The following SLC22A15 variants were observed in gnomAD, a reference collection of about 807,000 sequenced individuals.
SLC22A15 encodes flipt 1.
SLC22A15 carries 45 observed loss-of-function variants against 62.7 expected under a neutral mutation model. That is an observed-to-expected ratio of 0.72 (90% CI 0.56 to 0.92). The LOEUF (loss-of-function observed/expected upper bound fraction) is 0.92, where lower values mean the gene tolerates loss of function less well. Ranked by LOEUF, SLC22A15 falls within the 40% of genes least tolerant of loss-of-function variation. SLC22A15 has a pLI of 0.00. For synonymous variants in SLC22A15, 264 were observed against 267.0 expected, an observed-to-expected ratio of 0.99 and a Z score of 0.11; for missense variants, 622 against 665.6, an observed-to-expected ratio of 0.93 and a Z score of 0.72.
chr1:115,989,175 A>G (rs1655029054), intron 1 of SLC22A15, among the ~76,000 whole-genome samples: 1 of 151,860 alleles, frequency 6.6e-6, no homozygotes. Flanking sequence ...TGAGGAAGAC[A>G]TTGTGAAGAG....
intron 8 of SLC22A15, among the ~76,000 whole-genome samples, chr1:116,044,919 T>A (rs1191625647): frequency 1.3e-5 from 2 of 152,168 alleles, no homozygotes; most frequent in Admixed American, 1.3e-4. Flanking sequence ...TAGATTACCA[T>A]GCTTATGGAC....
intron 2 of SLC22A15, among the ~76,000 whole-genome samples, chr1:116,007,226 A>T (rs1013354178): frequency 6.6e-6 from 1 of 152,172 alleles, no homozygotes; most frequent in Admixed American, 6.5e-5. Context: ...CCAGAACAAC[A>T]TGGGGAGCAG....
At chr1:116,053,097 A>G (rs1203164043) in intron 8 of SLC22A15, among the ~76,000 whole-genome samples, 2 of 152,226 alleles carry the variant, frequency 1.3e-5, no homozygotes, top group Non-Finnish European at 2.9e-5. Context: ...TAGACGATCA[A>G]ACTACTCTGA....
intron 8 of SLC22A15, among the ~76,000 whole-genome samples, chr1:116,040,606 TAGAG>T (rs774694540): frequency 4.6e-5 from 7 of 152,040 alleles, no homozygotes; most frequent in Non-Finnish European, 8.8e-5. Flanking sequence ...CTCAAACTCT[TAGAG>T]AGATTTTTTT....
At chr1:115,976,838 G>A in intron 1 of SLC22A15, 124 bp downstream of exon 1, 2 of 712,338 alleles carry the variant, frequency 2.8e-6, no homozygotes, top group South Asian at 1.8e-5. Context: ...ACCGAGGTGT[G>A]GCGAGCGTCG....
Position 116,045,649 on chromosome 1 carries a change from G to A in SLC22A15, c.1171+8261G>A, listed in dbSNP as rs550755307. On this transcript the variant is annotated intron_variant, in intron 8 of 11. Transcript: ENST00000369503. ...AGCTACTCCGGAGGCTGAGGCAGGA[G>A]AATTGCTTGAACCCGGGGGGTAGAG... Among the ~76,000 whole-genome samples, 620 of 141,576 alleles carry A rather than the reference G, an allele frequency of 4.4e-3. 9 individuals carry two copies. Among genetic ancestry groups the A allele is most frequent in the African/African-American group, 0.015 (595 of 38,698 alleles). 92.9% of individuals were successfully genotyped at this position (141,576 alleles called of 152,430 possible). A position where few individuals can be genotyped will look rare whatever the true frequency, so the allele number is the denominator to read the frequency against.
At chr1:116,001,637 C>T (rs994920136) in intron 2 of SLC22A15, among the ~76,000 whole-genome samples, 1 of 152,020 alleles carries the variant, frequency 6.6e-6, no homozygotes. Context: ...GTGCGTTCTT[C>T]ATTTTGTCAG....
At chr1:116,024,957 G>A (rs1414055164) in intron 4 of SLC22A15, among the ~76,000 whole-genome samples, 1 of 152,026 alleles carries the variant, frequency 6.6e-6, no homozygotes, top group Non-Finnish European at 1.5e-5. Flanking sequence ...GAACCAGGTA[G>A]CAAATATTCT....
intron 4 of SLC22A15, among the ~76,000 whole-genome samples, chr1:116,021,621 A>G (rs1656842663): frequency 6.6e-6 from 1 of 152,186 alleles, no homozygotes; most frequent in East Asian, 1.9e-4. Context: ...ACTGATGGAA[A>G]TGTGTCTTTG....
At chr1:116,030,073 A>C (rs1657319741) in intron 5 of SLC22A15, among the ~76,000 whole-genome samples, 1 of 152,222 alleles carries the variant, frequency 6.6e-6, no homozygotes, top group Admixed American at 6.5e-5. Flanking sequence ...GTCCGTAATA[A>C]TAATCAAATG....
intron 8 of SLC22A15, among the ~76,000 whole-genome samples, chr1:116,038,916 C>G (rs1352081753): frequency 6.6e-6 from 1 of 152,108 alleles, no homozygotes; most frequent in Non-Finnish European, 1.5e-5. Context: ...TCTTTCCTTC[C>G]CTCCCACTTA....
rs1658551929 is a variant in SLC22A15, at chr1:116,068,714, T to C, written c.*1606T>C. The C allele has an allele frequency of 6.6e-6, 1 of 152,164 alleles. No individual in the cohort carries two copies. The highest frequency in any genetic ancestry group is 1.5e-5 in the Non-Finnish European group (1 of 68,026). The allele number at this position is 152,164 out of a possible 1,614,324, so 9.4% of individuals were successfully genotyped here. A position where few individuals can be genotyped will look rare whatever the true frequency, so the allele number is the denominator to read the frequency against. On this transcript the variant is annotated 3_prime_UTR_variant, in exon 12 of 12. Coordinates refer to ENST00000369503, the MANE Select transcript of SLC22A15 (RefSeq NM_018420.3). ...GTGGAACTCCTCCCAGTATAATTTT[T>C]ACAAACTCCAAGCAAATCTGACCCA...
chr1:116,018,421 G>A (rs539773731), intron 2 of SLC22A15, among the ~76,000 whole-genome samples: 1 of 151,972 alleles, frequency 6.6e-6, no homozygotes, highest in Non-Finnish European at 1.5e-5. Flanking sequence ...CTGGAGTGCA[G>A]TGGCGCGATC....
In SLC22A15 at chr1:116,035,236, C is replaced by T. The variant is rs140523528; in HGVS notation, c.994C>T (p.Leu332=). 248 of 1,613,330 alleles carry T rather than the reference C, an allele frequency of 1.5e-4. 3 individuals carry two copies. The African/African-American group carries it at 2.8e-3, about 18-fold the overall frequency. ...YYGLTLSAGD[L]GGSIYANLAL... Reference sequence around the variant, plus strand: ...TGGCCTAACTCTGAGTGCGGGTGATCTAGGTGGAAGTATTTATGCCAACCT... The same window carrying T: ...TGGCCTAACTCTGAGTGCGGGTGATTTAGGTGGAAGTATTTATGCCAACCT... The change falls in exon 7 of 12, where the codon CTA becomes TTA. Residue 332 remains leucine, a synonymous_variant. Coordinates refer to ENST00000369503, the MANE Select transcript of SLC22A15 (RefSeq NM_018420.3).
chr1:115,994,581 C>T (rs551339275), intron 2 of SLC22A15, among the ~76,000 whole-genome samples: 6 of 152,172 alleles, frequency 3.9e-5, no homozygotes, highest in South Asian at 2.1e-4. Context: ...AAAGAAATTG[C>T]GAGAATAGTA....
rs776867784 is a variant in SLC22A15 at position 116,067,153 on chromosome 1, C to A, written c.*45C>A. The A allele has an allele frequency of 6.8e-7, 1 of 1,481,180 alleles. No individual in the cohort carries two copies. The highest frequency in any genetic ancestry group is 1.2e-5 in the South Asian group (1 of 84,340). 91.8% of individuals were successfully genotyped at this position (1,481,180 alleles called of 1,614,324 possible). ...AAGAAGCAAAGGATCGTCTTTTATG[C>A]CTCTGGCTAAGGCAGGTTCTTCCAT... On this transcript the variant is annotated 3_prime_UTR_variant, in exon 12 of 12. Transcript: ENST00000369503.
At position 116,068,195 on chromosome 1, in the gene SLC22A15, T is replaced by C. The variant is rs904156051; in HGVS notation, c.*1087T>C. On this transcript the variant is annotated 3_prime_UTR_variant, in exon 12 of 12. Transcript: ENST00000369503. ...TAAGTGCTACCAACTTTCAAGTGAA[T>C]CTTGTATTTGATTTCCTAAAATCAT... The C allele has an allele frequency of 6.6e-6, 1 of 152,660 alleles. No homozygotes were observed. The highest frequency in any genetic ancestry group is 1.5e-5 in the Non-Finnish European group (1 of 68,038). 9.5% of individuals were successfully genotyped at this position (152,660 alleles called of 1,614,324 possible). A position where few individuals can be genotyped will look rare whatever the true frequency, so the allele number is the denominator to read the frequency against.
At chr1:116,017,719 T>C (rs928463554) in intron 2 of SLC22A15, 3 of 152,688 alleles carry the variant, frequency 2.0e-5, no homozygotes, top group African/African-American at 7.2e-5. Context: ...AGAGAGCAAC[T>C]GAAGATTCTT....
intron 2 of SLC22A15, among the ~76,000 whole-genome samples, chr1:116,007,118 G>T (rs1003992057): frequency 2.0e-5 from 3 of 152,088 alleles, no homozygotes; most frequent in African/African-American, 7.2e-5. Flanking sequence ...TCCCACCAGG[G>T]TGTCAAAAAA....
Sources: allele counts gnomAD v4.1 joint callset (sites outside exome capture counted in the v4.1 genomes callset), GRCh38; gene constraint gnomAD v4.1.1; transcripts MANE v1.5; gene names NCBI Gene and HGNC (gene_info 2026-07-23, HGNC 2026-07-21).